Variants in EP300 observed in about 807,000 individuals in gnomAD.
EP300 encodes the protein histone acetyltransferase p300.
Under a neutral mutation model 264.0 loss-of-function variants are expected in EP300, and 31 were observed. The observed-to-expected ratio is 0.12, with a 90% CI of 0.09 to 0.16. The LOEUF (loss-of-function observed/expected upper bound fraction) is 0.16, where lower values mean the gene tolerates loss of function less well. Among genes scored for constraint, EP300 ranks in the 10% least tolerant of loss-of-function variants. EP300 has a pLI of 1.00. For synonymous variants in EP300, 1,340 were observed against 1,045.4 expected, an observed-to-expected ratio of 1.28 and a Z score of -5.44; for missense variants, 2,766 against 3,052.9, an observed-to-expected ratio of 0.91 and a Z score of 2.21.
intron 1 of EP300, among the ~76,000 whole-genome samples, chr22:41,098,341 A>G (rs1601586279): frequency 6.6e-6 from 1 of 152,158 alleles, no homozygotes; most frequent in East Asian, 1.9e-4. Context: ...TTAGATCTAG[A>G]TTCTTTTTTA....
chr22:41,177,843 C>CACTCAA lies in EP300; in HGVS notation c.6135_6136insCAAACT (p.Thr2045_Val2046insGlnThr). 6.2e-7 allele frequency: 1 copy of CACTCAA among 1,614,154 alleles called. No homozygotes were observed. Among genetic ancestry groups the CACTCAA allele is most frequent in the Non-Finnish European group, 8.5e-7 (1 of 1,180,026 alleles). On this transcript the variant is annotated inframe_insertion, in exon 31 of 31. Transcript: ENST00000263253. ...TAGGTATCAGCCCACTCAAACCAGG[C>CACTCAA]ACTGTGTCTCAACAAGCCTTACAAA...
rs2059050645 is a variant in EP300 at position 41,152,261 on chromosome 22, A to C, written c.3053A>C (p.Glu1018Ala). 1 of 1,614,070 alleles carries C rather than the reference A, an allele frequency of 6.2e-7. No individual in the cohort carries two copies. The highest frequency in any genetic ancestry group is 8.5e-7 in the Non-Finnish European group (1 of 1,180,028). The change falls in exon 16 of 31, where the codon GAG (glutamate) becomes GCG (alanine). Residue 1018 changes from glutamate to alanine, a missense_variant. By Grantham distance (107) the Glu-to-Ala change is moderately radical. Coordinates refer to ENST00000263253, the MANE Select transcript of EP300 (RefSeq NM_001429.4). ...ESTETEERST[E>A]LKTEIKEEED... ...ACCGAAACAGAAGAGAGAAGCACTG[A>C]GTTAAAAACTGAAATAAAAGAGGAG...
Position 41,114,286 on chromosome 22 carries a change from A to G in EP300, c.95-2901A>G, listed in dbSNP as rs564765679. ...AGCCTCAACTTCCCAAGCTGCCGCTATCCTCCTTCCTCAGCCTCCCTAGTA... is the reference window on the plus strand; with the variant it reads ...AGCCTCAACTTCCCAAGCTGCCGCTGTCCTCCTTCCTCAGCCTCCCTAGTA... On this transcript the variant is annotated intron_variant, in intron 1 of 30. Coordinates refer to ENST00000263253, the MANE Select transcript of EP300 (RefSeq NM_001429.4). Among the ~76,000 whole-genome samples the G allele has an allele frequency of 9.2e-5, 14 of 152,244 alleles. No homozygotes were observed. In the South Asian group the frequency reaches 2.7e-3, roughly 29 times the overall value.
rs771622894 is a variant in EP300, at chr22:41,135,878, A to G, written c.1594A>G (p.Met532Val). ...AACGCCGAGTCTTCTTTCTGACTCA[A>G]TGTTGCATTCAGCCATAAATTCTCA... The part of the protein sequence containing the change: ...VQTPSLLSDS[M>V]LHSAINSQNP... Residue 532 changes from methionine to valine, a missense_variant, in exon 7 of 31, where the codon ATG becomes GTG. Met to Val is a conservative substitution (Grantham distance 21). Coordinates refer to ENST00000263253, the MANE Select transcript of EP300 (RefSeq NM_001429.4). The G allele has an allele frequency of 2.0e-5, 32 of 1,613,970 alleles. No homozygotes were observed. Among genetic ancestry groups the G allele is most frequent in the South Asian group, 1.9e-4 (17 of 91,084 alleles).
chr22:41,141,364 A>G, intron 10 of EP300, 142 bp downstream of exon 10: 1 of 846,976 alleles, frequency 1.2e-6, no homozygotes, highest in Non-Finnish European at 1.8e-6. Context: ...AAAATAACTC[A>G]TCTACTAGTA....
chr22:41,117,931 G>A, intron 2 of EP300, 110 bp downstream of exon 2: 2 of 1,535,974 alleles, frequency 1.3e-6, no homozygotes, highest in Non-Finnish European at 1.8e-6. Context: ...TACACGCCAG[G>A]AATTTACTGT....
rs754947035 is a variant in EP300, at chr22:41,117,218, C to T, written c.126C>T (p.Asp42=). The T allele has an allele frequency of 1.2e-6, 2 of 1,614,194 alleles. No individual in the cohort carries two copies. Among genetic ancestry groups the T allele is most frequent in the South Asian group, 2.2e-5 (2 of 91,084 alleles). ...GCTCTCTATTTGACTTGGAGCACGA[C>T]TTACCAGATGAATTAATCAACTCTA... The part of the protein sequence containing the change: ...DFGSLFDLEH[D]LPDELINSTE... The change falls in exon 2 of 31, where the codon GAC becomes GAT. Residue 42 remains aspartate, a synonymous_variant. Coordinates refer to ENST00000263253, the MANE Select transcript of EP300 (RefSeq NM_001429.4).
intron 1 of EP300, among the ~76,000 whole-genome samples, chr22:41,114,703 T>C (rs1194297151): frequency 6.6e-6 from 1 of 151,864 alleles, no homozygotes. Context: ...TCGCGAAGAA[T>C]GCATGGTTGG....
chr22:41,141,005 C>G (rs779789519), intron 9 of EP300, 43 bp from the exon 10 acceptor site: 4 of 1,591,886 alleles, frequency 2.5e-6, no homozygotes, highest in Non-Finnish European at 3.4e-6. Flanking sequence ...GTGGTAGTTC[C>G]TTTTTTCCTC....
chr22:41,128,506 A>T (rs1296950601), intron 4 of EP300, among the ~76,000 whole-genome samples: 1 of 151,924 alleles, frequency 6.6e-6, no homozygotes, highest in Non-Finnish European at 1.5e-5. Flanking sequence ...AAATTATTTT[A>T]TTTTATTTAT....
intron 1 of EP300, among the ~76,000 whole-genome samples, chr22:41,113,070 T>C (rs1356055054): frequency 6.6e-6 from 1 of 151,448 alleles, no homozygotes; most frequent in Non-Finnish European, 1.5e-5. Flanking sequence ...TTTCTTAATA[T>C]CACCCATTTC....
intron 1 of EP300, among the ~76,000 whole-genome samples, chr22:41,105,224 C>G (rs1258386854): frequency 1.5e-5 from 2 of 132,262 alleles, no homozygotes; most frequent in African/African-American, 2.7e-5. Flanking sequence ...AAAAAAAAGC[C>G]GGGCGTGGTG....
At chr22:41,158,847 T>C in intron 19 of EP300, 1 of 268,014 alleles carries the variant, frequency 3.7e-6, no homozygotes, top group East Asian at 8.4e-5. Flanking sequence ...TTTTTAAACT[T>C]TTAACTGAAA....
rs187646344 is a variant in EP300, at chr22:41,136,260, G to A, written c.1622+354G>A. Among the ~76,000 whole-genome samples the A allele has an allele frequency of 3.3e-4, 50 of 152,282 alleles. No homozygotes were observed. In the South Asian group the frequency reaches 4.8e-3, roughly 15 times the overall value. On this transcript the variant is annotated intron_variant, in intron 7 of 30. Coordinates refer to ENST00000263253, the MANE Select transcript of EP300 (RefSeq NM_001429.4). ...AGGCTGTTCTTGAACTCCTGACCTC[G>A]CGATCCGTCTGCCTCAGTCTCCCGA...
chr22:41,160,441 CAAAA>C (rs914539587), intron 19 of EP300, 197 bp from the exon 20 acceptor site: 22 of 387,778 alleles, frequency 5.7e-5, no homozygotes, highest in African/African-American at 2.8e-4. Flanking sequence ...CAAAAAAAAA[CAAAA>C]AAACAAACAA....
intron 23 of EP300, among the ~76,000 whole-genome samples, chr22:41,167,572 GTGTGTGTGTGTGT>G (rs2059141912): frequency 1.0e-5 from 1 of 95,488 alleles, no homozygotes; most frequent in African/African-American, 5.6e-5. Flanking sequence ...GTGTGTGTGT[GTGTGTGTGTGTGT>G]ATATATATAT....
chr22:41,104,047 T>C (rs1221647740), intron 1 of EP300, among the ~76,000 whole-genome samples: 1 of 152,210 alleles, frequency 6.6e-6, no homozygotes, highest in African/African-American at 2.4e-5. Flanking sequence ...CTCCTTGTTA[T>C]TTACAGATAT....
chr22:41,178,458 G>T lies in EP300; in HGVS notation c.6747G>T (p.Leu2249Phe), dbSNP rs758459646. ...MGQIGQLPQA[L>F]GAEAGASLQA... The stretch of plus-strand genomic sequence containing the variant: ...AGATAGGCCAGCTTCCCCAGGCCTT[G>T]GGAGCAGAGGCAGGTGCCAGTCTAC... Residue 2249 changes from leucine (L) to phenylalanine (F), a missense_variant, in exon 31 of 31, where the codon TTG becomes TTT. By Grantham distance (22) the Leu-to-Phe change is conservative (BLOSUM62 0). Transcript: ENST00000263253. 6.2e-6 allele frequency: 10 copies of T among 1,614,108 alleles called. No homozygotes were observed. The highest frequency in any genetic ancestry group is 8.5e-6 in the Non-Finnish European group (10 of 1,180,020).
intron 2 of EP300, 100 bp from the exon 3 acceptor site, chr22:41,125,764 T>C: frequency 7.6e-7 from 1 of 1,316,908 alleles, no homozygotes; most frequent in Non-Finnish European, 1.1e-6. Context: ...AGAATTTCCT[T>C]TGAAACTGTC....
Sources: allele counts gnomAD v4.1 joint callset (sites outside exome capture counted in the v4.1 genomes callset), GRCh38; gene constraint gnomAD v4.1.1; transcripts MANE v1.5; gene names NCBI Gene and HGNC (gene_info 2026-07-23, HGNC 2026-07-21).